Variants in CDS2 observed in about 807,000 individuals in gnomAD.
The protein encoded by CDS2 is phosphatidate cytidylyltransferase 2.
Under a neutral mutation model 59.0 loss-of-function variants are expected in CDS2, and 47 were observed. The observed-to-expected ratio is 0.80, with a 90% confidence interval of 0.63 to 1.02. The LOEUF is 1.02. Ranked by LOEUF, CDS2 falls within the 50% of genes least tolerant of loss-of-function variation. The pLI is 0.00. For missense variants in CDS2, 356 were observed against 558.9 expected, an observed-to-expected ratio of 0.64 and a Z score of 3.66; for synonymous variants, 207 against 206.4, an observed-to-expected ratio of 1.00 and a Z score of -0.02.
At position 5,127,087 on chromosome 20, in the gene CDS2, C is replaced by T. The variant is rs1243874205; in HGVS notation, c.-6C>T. On this transcript the variant is annotated 5_prime_UTR_variant, in exon 1 of 13. Transcript: ENST00000460006. ...CTCGCGGCGACGTCGGGCCGATTTT[C>T]CCAGGATGACAGAGCTGAGGCAGAG... 4 of 1,494,720 alleles carry T rather than the reference C, an allele frequency of 2.7e-6. No individual in the cohort carries two copies. The South Asian group carries it at 5.1e-5, about 19-fold the overall frequency. The allele number at this position is 1,494,720 out of a possible 1,614,324, so 92.6% of individuals were successfully genotyped here. A position where few individuals can be genotyped will look rare whatever the true frequency, so the allele number is the denominator to read the frequency against.
chr20:5,162,476 A>C (rs1254126669), intron 1 of CDS2, among the ~76,000 whole-genome samples: 3 of 152,158 alleles, frequency 2.0e-5, no homozygotes, highest in Non-Finnish European at 4.4e-5. Flanking sequence ...TTGACTAGGC[A>C]AGACTTCAGG....
rs2091131739 is a variant in CDS2 at position 5,193,238 on chromosome 20, A to G, written c.*3004A>G. Reference sequence around the variant, plus strand: ...ATTTATGTTTTACTCCTGAAAGTGAAACCCTCTTAGGCAACTTGTTTCATA... The same window carrying G: ...ATTTATGTTTTACTCCTGAAAGTGAGACCCTCTTAGGCAACTTGTTTCATA... On this transcript the variant is annotated 3_prime_UTR_variant, in exon 13 of 13. Coordinates refer to ENST00000460006, the MANE Select transcript of CDS2 (RefSeq NM_003818.4). 6.6e-6 allele frequency: 1 copy of G among 152,222 alleles called. No individual in the cohort carries two copies. The highest frequency in any genetic ancestry group is 6.5e-5 in the Admixed American group (1 of 15,282). 9.4% of individuals were successfully genotyped at this position (152,222 alleles called of 1,614,324 possible).
At position 5,196,576 on chromosome 20, in the gene CDS2, C is replaced by T. The variant is rs1047884997; in HGVS notation, c.*6342C>T. On this transcript the variant is annotated 3_prime_UTR_variant, in exon 13 of 13. Transcript: ENST00000460006. ...TCATCCACATAGCCACCTCTGTCCT[C>T]GCAGTTTGGATGCCTTTTTTTGACA... 1 of 152,216 alleles carries T rather than the reference C, an allele frequency of 6.6e-6. No individual in the cohort carries two copies. The highest frequency in any genetic ancestry group is 2.4e-5 in the African/African-American group (1 of 41,446). 9.4% of individuals were successfully genotyped at this position (152,216 alleles called of 1,614,324 possible). A position where few individuals can be genotyped will look rare whatever the true frequency, so the allele number is the denominator to read the frequency against.
chr20:5,165,635 A>G (rs1190581882), intron 1 of CDS2, among the ~76,000 whole-genome samples: 1 of 152,020 alleles, frequency 6.6e-6, no homozygotes, highest in Non-Finnish European at 1.5e-5. Flanking sequence ...TGCAGCCTCA[A>G]TCTCCTAGGC....
intron 1 of CDS2, among the ~76,000 whole-genome samples, chr20:5,171,956 T>C (rs2090959287): frequency 1.3e-5 from 2 of 152,240 alleles, no homozygotes; most frequent in South Asian, 4.1e-4. Flanking sequence ...CAGTCTGCAC[T>C]AGGCGAGGCC....
intron 1 of CDS2, among the ~76,000 whole-genome samples, chr20:5,131,529 A>G (rs1364232368): frequency 6.6e-6 from 1 of 152,230 alleles, no homozygotes. Flanking sequence ...TTCGGAAGTT[A>G]GCGTATAGGT....
At chr20:5,135,960 T>C (rs1053362740) in intron 1 of CDS2, among the ~76,000 whole-genome samples, 1 of 152,178 alleles carries the variant, frequency 6.6e-6, no homozygotes, top group Admixed American at 6.5e-5. Context: ...TGATTTGTTG[T>C]CTTTGGCAGA....
chr20:5,181,394 G>T (rs748718227), intron 5 of CDS2, among the ~76,000 whole-genome samples: 11 of 152,184 alleles, frequency 7.2e-5, no homozygotes, highest in Non-Finnish European at 1.6e-4. Flanking sequence ...TACCAGAAAG[G>T]GGTCCAGACC....
intron 4 of CDS2, among the ~76,000 whole-genome samples, chr20:5,178,485 G>A (rs2091009874): frequency 6.6e-6 from 1 of 152,206 alleles, no homozygotes; most frequent in African/African-American, 2.4e-5. Context: ...CGAGACTGGG[G>A]AAGCAGGATG....
chr20:5,181,947 C>T (rs138130305), intron 5 of CDS2, among the ~76,000 whole-genome samples: 130 of 152,210 alleles, frequency 8.5e-4, no homozygotes, highest in African/African-American at 3.0e-3. Context: ...GTGTTGTTGA[C>T]GAGAACCTCG....
rs71332879 is a variant in CDS2 at position 5,188,055 on chromosome 20, CGTGTGTGT to C, written c.982-993_982-986del. Among the ~76,000 whole-genome samples the C allele has an allele frequency of 4.7e-5, 7 of 148,900 alleles. No homozygotes were observed. The South Asian group carries it at 1.3e-3, about 27-fold the overall frequency. The stretch of plus-strand genomic sequence containing the variant: ...GAGGTCTGTGATGATTCTTAACGTA[CGTGTGTGT>C]GTGTGTGTGTGTGTGTGTTGATCAC... On this transcript the variant is annotated intron_variant, in intron 10 of 12. Transcript: ENST00000460006.
chr20:5,152,080 TAA>T (rs60654420), intron 1 of CDS2, among the ~76,000 whole-genome samples: 6 of 146,658 alleles, frequency 4.1e-5, no homozygotes, highest in African/African-American at 7.5e-5. Context: ...CATGGCTTTT[TAA>T]AAAAAAAAAA....
chr20:5,146,325 T>C (rs2090743272), intron 1 of CDS2, among the ~76,000 whole-genome samples: 1 of 152,162 alleles, frequency 6.6e-6, no homozygotes. Flanking sequence ...TGCTTGTGTT[T>C]AGTTTGAGGT....
chr20:5,180,964 G>A (rs1239698148), intron 5 of CDS2, among the ~76,000 whole-genome samples: 1 of 152,042 alleles, frequency 6.6e-6, no homozygotes, highest in Non-Finnish European at 1.5e-5. Context: ...TTCACAGCTC[G>A]GACACAAAGT....
In CDS2 at chr20:5,190,790, G is replaced by A. The variant is rs1008420961; in HGVS notation, c.*556G>A. The A allele has an allele frequency of 3.3e-5, 5 of 152,338 alleles. No homozygotes were observed. Among genetic ancestry groups the A allele is most frequent in the African/African-American group, 1.2e-4 (5 of 41,552 alleles). 9.4% of individuals were successfully genotyped at this position (152,338 alleles called of 1,614,324 possible). A position where few individuals can be genotyped will look rare whatever the true frequency, so the allele number is the denominator to read the frequency against. ...TTCTATGCATCCACACCAAAATCCT[G>A]CAGAATGTAAGTAAGCTCTGCTTTA... On this transcript the variant is annotated 3_prime_UTR_variant, in exon 13 of 13. Coordinates refer to ENST00000460006, the MANE Select transcript of CDS2 (RefSeq NM_003818.4).
chr20:5,184,806 T>G lies in CDS2; in HGVS notation c.672-52T>G. On this transcript the variant is annotated intron_variant, in intron 7 of 12. Transcript: ENST00000460006. The surrounding 1 kb of genome is among the most constrained non-coding windows in gnomAD (Gnocchi z 4.3). ...AAGAATGGCACTATTTTGTGTACTT[T>G]TGAGGTACTGTCACCTTGCTTGAGT... is the stretch of plus-strand genomic sequence containing the variant. 7.5e-7 allele frequency: 1 copy of G among 1,327,650 alleles called. No individual in the cohort carries two copies. The highest frequency in any genetic ancestry group is 1.1e-6 in the Non-Finnish European group (1 of 919,132). The allele number at this position is 1,327,650 out of a possible 1,614,324, so 82.2% of individuals were successfully genotyped here.
intron 1 of CDS2, among the ~76,000 whole-genome samples, chr20:5,161,868 A>G (rs1192915535): frequency 6.6e-6 from 1 of 152,204 alleles, no homozygotes; most frequent in Non-Finnish European, 1.5e-5. Flanking sequence ...GCCTCTAAGT[A>G]AAGTTTGACT....
chr20:5,162,460 A>T (rs1299064624), intron 1 of CDS2, among the ~76,000 whole-genome samples: 1 of 152,154 alleles, frequency 6.6e-6, no homozygotes, highest in Non-Finnish European at 1.5e-5. Context: ...GCATGCTGTC[A>T]ACTGATTGAC....
intron 1 of CDS2, among the ~76,000 whole-genome samples, chr20:5,162,621 G>A (rs930718542): frequency 3.3e-5 from 5 of 152,150 alleles, no homozygotes; most frequent in Non-Finnish European, 5.9e-5. Flanking sequence ...GAGAAGTTGG[G>A]GTTGGAGATA....
Sources: gnomAD v4.1 joint callset for allele counts (sites outside exome capture counted in the v4.1 genomes callset) on GRCh38, gnomAD v4.1.1 for gene constraint, Gnocchi (gnomAD v3.1) non-coding constraint, MANE v1.5 for transcripts, NCBI Gene and HGNC (gene_info 2026-07-23, HGNC 2026-07-21) for gene names.